Variants in PKD1L1 observed in about 807,000 individuals in gnomAD.
PKD1L1 encodes polycystin 1 like 1, transient receptor potential channel interacting, also known as polycystin-1-like protein 1.
A neutral mutation model predicts 323.4 loss-of-function variants in PKD1L1; 236 were observed. The observed-to-expected ratio is 0.73, with a 90% confidence interval of 0.66 to 0.81. PKD1L1 has a LOEUF of 0.81. Ranked by LOEUF, PKD1L1 falls within the 40% of genes least tolerant of loss-of-function variation. The pLI, the probability that PKD1L1 is intolerant of heterozygous loss-of-function variation, is 0.00. For synonymous variants in PKD1L1, 1,344 were observed against 1,335.0 expected (o/e 1.01, Z -0.15); for missense variants, 3,320 against 3,508.0 (o/e 0.95, Z 1.35).
chr7:47,878,762 C>T (rs1163283101), intron 21 of PKD1L1, among the ~76,000 whole-genome samples: 2 of 152,082 alleles, frequency 1.3e-5, no homozygotes, highest in Non-Finnish European at 2.9e-5. Context: ...CTTAGAGTCA[C>T]GAGGGGGCCT....
At chr7:47,916,887 A>G (rs1787440091) in intron 7 of PKD1L1, among the ~76,000 whole-genome samples, 1 of 152,218 alleles carries the variant, frequency 6.6e-6, no homozygotes, top group African/African-American at 2.4e-5. Flanking sequence ...GGAACCAGAA[A>G]ACCAACTCTG....
intron 24 of PKD1L1, 112 bp downstream of exon 24, chr7:47,873,784 TAAG>T (rs1786338894): frequency 4.2e-6 from 3 of 709,842 alleles, no homozygotes; most frequent in South Asian, 2.0e-5. Flanking sequence ...TGCTCCATCT[TAAG>T]AAGATGAGTT....
At chr7:47,806,557 G>A (rs1031492077) in intron 52 of PKD1L1, among the ~76,000 whole-genome samples, 3 of 152,206 alleles carry the variant, frequency 2.0e-5, no homozygotes, top group Non-Finnish European at 4.4e-5. Context: ...AGTCCTCATC[G>A]GGCCCTAATA....
chr7:47,782,168 A>G (rs1291117299), intron 56 of PKD1L1, among the ~76,000 whole-genome samples: 1 of 152,208 alleles, frequency 6.6e-6, no homozygotes, highest in Non-Finnish European at 1.5e-5. Flanking sequence ...CCAGCTGTCT[A>G]TGAGAGTTAT....
At chr7:47,908,362 GA>G in intron 8 of PKD1L1, 112 bp from the exon 9 acceptor site, 1 of 1,010,754 alleles carries the variant, frequency 9.9e-7, no homozygotes, top group Admixed American at 2.4e-5. Context: ...TGATACAGGA[GA>G]GGTGATCTTT....
chr7:47,945,122 C>T (rs1282701068), intron 1 of PKD1L1, among the ~76,000 whole-genome samples: 3 of 152,176 alleles, frequency 2.0e-5, no homozygotes, highest in Admixed American at 6.5e-5. Flanking sequence ...CGACACAGAC[C>T]TACTTCACGG....
At chr7:47,786,075 T>C (rs187279863) in intron 56 of PKD1L1, among the ~76,000 whole-genome samples, 235 of 152,296 alleles carry the variant, frequency 1.5e-3, no homozygotes, top group African/African-American at 5.4e-3. Context: ...TTCTAGCCTG[T>C]TTCTTCCTCA....
At chr7:47,912,887 C>CG (rs1186817422) in intron 8 of PKD1L1, among the ~76,000 whole-genome samples, 1 of 144,800 alleles carries the variant, frequency 6.9e-6, no homozygotes, top group Non-Finnish European at 1.5e-5. Flanking sequence ...TAATCAATGA[C>CG]GGGGAAAAAA....
chr7:47,837,546 GCTT>G (rs1785484990), intron 36 of PKD1L1, among the ~76,000 whole-genome samples: 2 of 152,136 alleles, frequency 1.3e-5, no homozygotes, highest in Admixed American at 1.3e-4. Context: ...TCTCTCCAGA[GCTT>G]CTGATCAGTC....
chr7:47,838,248 C>G (rs886445032), intron 36 of PKD1L1, among the ~76,000 whole-genome samples: 4 of 152,328 alleles, frequency 2.6e-5, no homozygotes, highest in Admixed American at 2.0e-4. Flanking sequence ...CTGAAAATGC[C>G]AAGGCCTTGA....
rs370983216 is a variant in PKD1L1 at position 47,827,444 on chromosome 7, G to A, written c.6760C>T (p.Arg2254Cys). Residue 2254 changes from arginine to cysteine, a missense_variant, in exon 45 of 57, where the codon CGC becomes TGC. By Grantham distance (180) the Arg-to-Cys change is radical (BLOSUM62 -3). Transcript: ENST00000289672. ...EKVLAARQQA[R>C]HLRWAHPPSK... Reference sequence around the variant, plus strand: ...GGTGGATGCGCCCAGCGCAGGTGGCGAGCTTGTTGTCGGGCAGCCAAGACC... The same window carrying A: ...GGTGGATGCGCCCAGCGCAGGTGGCAAGCTTGTTGTCGGGCAGCCAAGACC... 37 of 1,610,988 alleles carry A rather than the reference G, an allele frequency of 2.3e-5. No individual in the cohort carries two copies. The African/African-American group carries it at 4.7e-4, about 20-fold the overall frequency.
intron 54 of PKD1L1, 142 bp from the exon 55 acceptor site, chr7:47,796,292 GA>G: frequency 2.5e-6 from 2 of 797,670 alleles, no homozygotes; most frequent in Non-Finnish European, 3.7e-6. Context: ...ATTTCTTGGT[GA>G]AAAAAAGCAA....
intron 45 of PKD1L1, among the ~76,000 whole-genome samples, chr7:47,826,356 G>C (rs994512112): frequency 6.6e-6 from 1 of 152,092 alleles, no homozygotes; most frequent in African/African-American, 2.4e-5. Flanking sequence ...TTATGAGGAG[G>C]TTTGATAAGA....
upstream of PKD1L1, among the ~76,000 whole-genome samples, chr7:47,952,469 C>A (rs1295049069): frequency 6.6e-6 from 1 of 152,186 alleles, no homozygotes; most frequent in African/African-American, 2.4e-5. Flanking sequence ...GAGCAGTGAG[C>A]CTTCCCTGCC....
chr7:47,880,160 G>T (rs1786507307), intron 21 of PKD1L1, among the ~76,000 whole-genome samples: 4 of 121,302 alleles, frequency 3.3e-5, no homozygotes, highest in African/African-American at 1.2e-4. Flanking sequence ...CCTTTCTAGG[G>T]TTTAAATAGA....
Position 47,865,142 on chromosome 7 carries a change from T to G in PKD1L1, c.4149+74A>C, listed in dbSNP as rs558006992. 1.1e-4 allele frequency: 127 copies of G among 1,113,748 alleles called. No homozygotes were observed. The East Asian group carries it at 3.0e-3, about 27-fold the overall frequency. The allele number at this position is 1,113,748 out of a possible 1,614,324, so 69.0% of individuals were successfully genotyped here. ...TCAAACTATGATTCTGGACAGTGTATTTTTCAAGAACTGATCATGTCCCTC... is the reference window on the plus strand; with the variant it reads ...TCAAACTATGATTCTGGACAGTGTAGTTTTCAAGAACTGATCATGTCCCTC... On this transcript the variant is annotated intron_variant, in intron 26 of 56. Transcript: ENST00000289672.
At chr7:47,927,428 G>T (rs1157678690) in intron 7 of PKD1L1, among the ~76,000 whole-genome samples, 2 of 152,098 alleles carry the variant, frequency 1.3e-5, no homozygotes, top group Non-Finnish European at 2.9e-5. Context: ...ACCACGCCCA[G>T]CTAATTTTTG....
Position 47,854,877 on chromosome 7 carries a change from C to T in PKD1L1, c.4859+5G>A. 1 of 1,613,786 alleles carries T rather than the reference C, an allele frequency of 6.2e-7. No individual in the cohort carries two copies. The highest frequency in any genetic ancestry group is 1.1e-5 in the South Asian group (1 of 90,898). On this transcript the variant is annotated splice_donor_5th_base_variant and intron_variant, in intron 30 of 56. Transcript: ENST00000289672. ...ATCTCATTGTAGCTGTCACCATCAA[C>T]ACACCTTACTAGCAACATGACGGGA...
intron 31 of PKD1L1, among the ~76,000 whole-genome samples, chr7:47,850,408 G>T (rs1365650309): frequency 6.6e-6 from 1 of 152,128 alleles, no homozygotes; most frequent in Non-Finnish European, 1.5e-5. Context: ...AAGGAGGATG[G>T]ATGACCCGAG....
Sources: gnomAD v4.1 joint callset for allele counts (sites outside exome capture counted in the v4.1 genomes callset) on GRCh38, gnomAD v4.1.1 for gene constraint, MANE v1.5 for transcripts, NCBI Gene and HGNC (gene_info 2026-07-23, HGNC 2026-07-21) for gene names.